Variants in KPNA3 observed in about 807,000 individuals in gnomAD.
The protein encoded by KPNA3 is importin subunit alpha-4.
In KPNA3, 13 loss-of-function variants were observed where a neutral mutation model predicts 73.8. The ratio of observed to expected loss-of-function variants is 0.18; its 90% CI spans 0.11 to 0.28. KPNA3 has a LOEUF of 0.28. KPNA3 is among the 10% of genes least tolerant of loss of function. The pLI, the probability that KPNA3 is intolerant of heterozygous loss-of-function variation, is 1.00. For missense variants in KPNA3, 360 were observed against 618.1 expected (o/e 0.58, Z 4.43); for synonymous variants, 186 against 206.9 (o/e 0.90, Z 0.87).
Position 49,748,518 on chromosome 13 carries a change from A to G in KPNA3, c.70-1525T>C, listed in dbSNP as rs543600896. ...ATATACTGCCAAGGTTCAGTGTGCT[A>G]TATTTTATTTAATAATTCTTGTGAT... On this transcript the variant is annotated intron_variant, in intron 1 of 16. Transcript: ENST00000261667. 5.2e-4 allele frequency among the ~76,000 whole-genome samples: 79 copies of G among 152,232 alleles called. 1 individual carries two copies. The highest frequency in any genetic ancestry group is 1.7e-3 in the African/African-American group (72 of 41,548).
At chr13:49,740,469 TA>T (rs1954563573) in intron 2 of KPNA3, among the ~76,000 whole-genome samples, 1 of 152,044 alleles carries the variant, frequency 6.6e-6, no homozygotes, top group Non-Finnish European at 1.5e-5. Flanking sequence ...GTGATTAAAT[TA>T]TGGGGGTGGG....
intron 1 of KPNA3, among the ~76,000 whole-genome samples, chr13:49,778,279 T>G (rs911647979): frequency 6.6e-6 from 1 of 152,276 alleles, no homozygotes; most frequent in Admixed American, 6.5e-5. Context: ...AACCTACTTT[T>G]GTGCCAATCA....
intron 11 of KPNA3, among the ~76,000 whole-genome samples, 189 bp from the exon 12 acceptor site, chr13:49,709,889 T>C (rs1432355064): frequency 2.9e-5 from 4 of 140,286 alleles, no homozygotes; most frequent in Admixed American, 1.5e-4. Context: ...ACTGAAACTT[T>C]ATGAAAAAAA....
chr13:49,736,690 T>G (rs766328804), intron 2 of KPNA3, among the ~76,000 whole-genome samples: 9 of 152,202 alleles, frequency 5.9e-5, no homozygotes, highest in Non-Finnish European at 1.3e-4. Context: ...TTACATGTAT[T>G]TGCATGTGTG....
chr13:49,747,558 C>T (rs1954629313), intron 1 of KPNA3, among the ~76,000 whole-genome samples: 1 of 152,090 alleles, frequency 6.6e-6, no homozygotes, highest in African/African-American at 2.4e-5. Flanking sequence ...AGTAGCACGC[C>T]CCTGTACTCC....
At chr13:49,745,821 T>A (rs892932222) in intron 2 of KPNA3, among the ~76,000 whole-genome samples, 1 of 151,174 alleles carries the variant, frequency 6.6e-6, no homozygotes, top group Non-Finnish European at 1.5e-5. Context: ...CCCAGCACTT[T>A]GGGAGGCTGA....
intron 15 of KPNA3, among the ~76,000 whole-genome samples, chr13:49,704,579 ATAAAG>A (rs1366116053): frequency 1.3e-5 from 2 of 152,160 alleles, no homozygotes; most frequent in Admixed American, 6.5e-5. Flanking sequence ...GAATATTCAT[ATAAAG>A]TAGTCAATGA....
intron 6 of KPNA3, 23 bp from the exon 7 acceptor site, chr13:49,725,524 C>T (rs773028008): frequency 2.8e-6 from 4 of 1,433,150 alleles, no homozygotes; most frequent in Middle Eastern, 1.7e-4. Context: ...AATAACACAT[C>T]TTTTTAGACA....
intron 9 of KPNA3, among the ~76,000 whole-genome samples, chr13:49,721,744 C>A (rs1954360758): frequency 6.6e-6 from 1 of 152,132 alleles, no homozygotes. Flanking sequence ...GGCGTGAACC[C>A]AGGAAGTGGA....
rs187795362 is a variant in KPNA3, at chr13:49,716,673, A to G, written c.771+3102T>C. 8.5e-5 allele frequency among the ~76,000 whole-genome samples: 13 copies of G among 152,176 alleles called. No individual in the cohort carries two copies. In the East Asian group the frequency reaches 1.5e-3, roughly 18 times the overall value. On this transcript the variant is annotated intron_variant, in intron 10 of 16. Coordinates refer to ENST00000261667, the MANE Select transcript of KPNA3 (RefSeq NM_002267.4). ...AGGCTGGTCTCAACTCCTGACCTCA[A>G]GTGATCCACTGTCCTCAGCCTTCCA...
At chr13:49,788,759 A>G (rs958370446) in intron 1 of KPNA3, among the ~76,000 whole-genome samples, 7 of 145,876 alleles carry the variant, frequency 4.8e-5, no homozygotes, top group East Asian at 2.1e-4. Context: ...AGCACATTCC[A>G]GAACAAATAA....
At position 49,792,580 on chromosome 13, in the gene KPNA3, G is replaced by A. The variant is rs1955046132; in HGVS notation, c.-74C>T. ...CGGCGGCGAATCTTGGAGCGGGAGGGGGAGGAGGGGGAGAGCGGGAGGGGG... is the reference window on the plus strand; with the variant it reads ...CGGCGGCGAATCTTGGAGCGGGAGGAGGAGGAGGGGGAGAGCGGGAGGGGG... On this transcript the variant is annotated 5_prime_UTR_variant, in exon 1 of 17. Coordinates refer to ENST00000261667, the MANE Select transcript of KPNA3 (RefSeq NM_002267.4). The A allele has an allele frequency of 6.4e-5, 51 of 795,590 alleles. No individual in the cohort carries two copies. In the South Asian group the frequency reaches 7.2e-4, roughly 11 times the overall value. The allele number at this position is 795,590 out of a possible 1,614,324, so 49.3% of individuals were successfully genotyped here. A position where few individuals can be genotyped will look rare whatever the true frequency, so the allele number is the denominator to read the frequency against.
chr13:49,721,811 C>T, intron 9 of KPNA3, 144 bp downstream of exon 9: 1 of 507,208 alleles, frequency 2.0e-6, no homozygotes, highest in South Asian at 5.8e-5. Flanking sequence ...CAGAGCAAGA[C>T]TCCGTTATCA....
intron 1 of KPNA3, among the ~76,000 whole-genome samples, chr13:49,763,349 A>AT (rs1954783945): frequency 6.6e-6 from 1 of 152,228 alleles, no homozygotes. Flanking sequence ...GGTCAGAAGA[A>AT]ACCGTCAATT....
chr13:49,716,359 T>C (rs531209592), intron 10 of KPNA3, among the ~76,000 whole-genome samples: 54 of 152,324 alleles, frequency 3.5e-4, no homozygotes, highest in African/African-American at 1.1e-3. Context: ...GACTATATGA[T>C]CTAGAACCTA....
At chr13:49,716,529 C>T (rs1260973713) in intron 10 of KPNA3, among the ~76,000 whole-genome samples, 1 of 152,082 alleles carries the variant, frequency 6.6e-6, no homozygotes, top group Non-Finnish European at 1.5e-5. Context: ...ACCTCCACCT[C>T]CCCGACTCAA....
intron 10 of KPNA3, among the ~76,000 whole-genome samples, chr13:49,711,470 C>T (rs1227455957): frequency 6.6e-6 from 1 of 152,190 alleles, no homozygotes; most frequent in East Asian, 1.9e-4. Flanking sequence ...TTTAGCAATA[C>T]AATTTTTCAG....
At chr13:49,724,863 C>T (rs544855148) in intron 7 of KPNA3, among the ~76,000 whole-genome samples, 19 of 152,216 alleles carry the variant, frequency 1.2e-4, no homozygotes, top group Non-Finnish European at 2.6e-4. Context: ...TCCCAAAGTG[C>T]TGGGATTAGA....
intron 2 of KPNA3, among the ~76,000 whole-genome samples, chr13:49,745,130 G>T (rs1025318702): frequency 1.3e-5 from 2 of 152,080 alleles, no homozygotes; most frequent in Non-Finnish European, 2.9e-5. Flanking sequence ...ATAACTAAAT[G>T]CATTTCTGAT....
Sources: gnomAD v4.1 joint callset for allele counts (sites outside exome capture counted in the v4.1 genomes callset) on GRCh38, gnomAD v4.1.1 for gene constraint, MANE v1.5 for transcripts, NCBI Gene and HGNC (gene_info 2026-07-23, HGNC 2026-07-21) for gene names.